The following FHIT variants were observed in gnomAD, a reference collection of about 807,000 sequenced individuals.
FHIT encodes the protein bis(5'-adenosyl)-triphosphatase.
FHIT carries 19 observed loss-of-function variants against 17.9 expected under a neutral mutation model. The ratio of observed to expected loss-of-function variants is 1.06; its 90% CI spans 0.74 to 1.56. The LOEUF (loss-of-function observed/expected upper bound fraction) is 1.56. Ranked by LOEUF, FHIT falls within the 40% of genes most tolerant of loss-of-function variation. The pLI, the probability that FHIT is intolerant of heterozygous loss-of-function variation, is 0.00. For synonymous variants in FHIT, 81 were observed against 69.7 expected (o/e 1.16, Z -0.81); for missense variants, 248 against 189.2 (o/e 1.31, Z -1.82).
At chr3:60,084,035 G>GA (rs5849326) in intron 5 of FHIT, among the ~76,000 whole-genome samples, 54,372 of 151,924 alleles carry the variant, frequency 0.36, 10,132 homozygotes, top group African/African-American at 0.44. Context: ...ATTAAGTGGG[G>GA]AAAAAATCAC....
At chr3:59,988,171 T>C (rs1028599175) in intron 7 of FHIT, among the ~76,000 whole-genome samples, 1 of 152,048 alleles carries the variant, frequency 6.6e-6, no homozygotes, top group Non-Finnish European at 1.5e-5. Flanking sequence ...GCCTCCAAAA[T>C]TGAGCAAGAG....
At chr3:60,345,559 G>A (rs968803673) in intron 5 of FHIT, among the ~76,000 whole-genome samples, 4 of 152,170 alleles carry the variant, frequency 2.6e-5, no homozygotes, top group Admixed American at 2.0e-4. Flanking sequence ...AGACTAGAAC[G>A]AGAACCTAGA....
At chr3:59,835,172 G>T (rs1198779375) in intron 8 of FHIT, among the ~76,000 whole-genome samples, 1 of 152,118 alleles carries the variant, frequency 6.6e-6, no homozygotes, top group Non-Finnish European at 1.5e-5. Context: ...ATATCAGCCT[G>T]GGCCAAAATA....
At chr3:59,786,705 G>T (rs145682255) in intron 8 of FHIT, among the ~76,000 whole-genome samples, 1 of 152,182 alleles carries the variant, frequency 6.6e-6, no homozygotes, top group African/African-American at 2.4e-5. Flanking sequence ...ACAGCCTCTT[G>T]TTGGAAACTA....
rs142138204 is a variant in FHIT, at chr3:60,826,294, T to TTTTTGTTTTG, written c.-110-4293_-110-4284dup. On this transcript the variant is annotated intron_variant, in intron 3 of 9. Transcript: ENST00000492590. ...TAGATGGGGATAGATGAGGTTAGTT[T>TTTTTGTTTTG]TTTTGTTTTGTTTTGTTTTGTTTTG... Among the ~76,000 whole-genome samples the TTTTTGTTTTG allele has an allele frequency of 1.9e-3, 279 of 149,362 alleles. 2 individuals are homozygous for TTTTTGTTTTG. The highest frequency in any genetic ancestry group is 6.6e-3 in the African/African-American group (266 of 40,288).
At position 61,097,162 on chromosome 3, in the gene FHIT, C is replaced by T. The variant is rs562701815; in HGVS notation, c.-163-55063G>A. ...TCCAGTCTGTACCTCCCAGCGTGAGCGATGCAGAAGATGGATGATTTCTGC... is the reference window on the plus strand; with the variant it reads ...TCCAGTCTGTACCTCCCAGCGTGAGTGATGCAGAAGATGGATGATTTCTGC... On this transcript the variant is annotated intron_variant, in intron 2 of 9. Transcript: ENST00000492590. Among the ~76,000 whole-genome samples, 4 of 151,540 alleles carry T rather than the reference C, an allele frequency of 2.6e-5. No individual in the cohort carries two copies. The East Asian group carries it at 7.8e-4, about 29-fold the overall frequency.
intron 5 of FHIT, among the ~76,000 whole-genome samples, chr3:60,020,898 G>A (rs371259580): frequency 6.6e-6 from 1 of 152,130 alleles, no homozygotes; most frequent in African/African-American, 2.4e-5. Context: ...TTTCATATCA[G>A]AAAGGCAGAA....
intron 5 of FHIT, among the ~76,000 whole-genome samples, chr3:60,168,182 A>T (rs1048775807): frequency 6.6e-6 from 1 of 152,174 alleles, no homozygotes; most frequent in Non-Finnish European, 1.5e-5. Flanking sequence ...GGCAATAAAC[A>T]CTTGAAAGAA....
intron 3 of FHIT, among the ~76,000 whole-genome samples, chr3:60,862,215 A>G (rs1274119386): frequency 3.9e-5 from 6 of 152,156 alleles, no homozygotes; most frequent in African/African-American, 1.4e-4. Context: ...GTCTTGTTCT[A>G]TTGCCCAGGC....
At chr3:60,626,783 C>CTTT (rs71627548) in intron 4 of FHIT, among the ~76,000 whole-genome samples, 2,109 of 85,798 alleles carry the variant, frequency 0.025, 54 homozygotes, top group East Asian at 0.082. Flanking sequence ...GGGGAAAACA[C>CTTT]TCTTTTTTTT....
chr3:59,918,899 A>G (rs1019719660), intron 8 of FHIT, among the ~76,000 whole-genome samples: 4 of 152,220 alleles, frequency 2.6e-5, no homozygotes, highest in African/African-American at 9.6e-5. Flanking sequence ...AGCAAAGCCC[A>G]AGGACCATCA....
Position 60,353,935 on chromosome 3 carries a change from C to T in FHIT, c.103+182925G>A, listed in dbSNP as rs201071830. Among the ~76,000 whole-genome samples the T allele has an allele frequency of 3.9e-5, 6 of 152,162 alleles. No homozygotes were observed. The South Asian group carries it at 1.0e-3, about 26-fold the overall frequency. On this transcript the variant is annotated intron_variant, in intron 5 of 9. Transcript: ENST00000492590. ...TGGTAATATGACCCCAAAACCTTAA[C>T]AAATTTTATATATTTATCCTATCTA... is the stretch of plus-strand genomic sequence containing the variant.
intron 5 of FHIT, among the ~76,000 whole-genome samples, chr3:60,373,941 T>C (rs1700439897): frequency 6.6e-6 from 1 of 152,146 alleles, no homozygotes; most frequent in East Asian, 1.9e-4. Context: ...GAAAAGTCAA[T>C]TAAAACAAGC....
chr3:60,346,884 T>G (rs981531112), intron 5 of FHIT, among the ~76,000 whole-genome samples: 2 of 152,216 alleles, frequency 1.3e-5, no homozygotes, highest in African/African-American at 4.8e-5. Flanking sequence ...CTTAGAAATT[T>G]TATGTTTTAA....
intron 5 of FHIT, among the ~76,000 whole-genome samples, chr3:60,105,586 C>G (rs992558294): frequency 3.3e-5 from 5 of 152,176 alleles, no homozygotes; most frequent in Non-Finnish European, 7.3e-5. Context: ...CTGTGTGTCA[C>G]TACTCAGCTA....
At chr3:60,168,198 T>G (rs1237294881) in intron 5 of FHIT, among the ~76,000 whole-genome samples, 2 of 152,190 alleles carry the variant, frequency 1.3e-5, no homozygotes, top group Non-Finnish European at 2.9e-5. Flanking sequence ...AAGAATTGCC[T>G]GTTGGATGAA....
intron 5 of FHIT, among the ~76,000 whole-genome samples, chr3:60,458,425 C>T (rs1230857906): frequency 7.1e-6 from 1 of 141,722 alleles, no homozygotes; most frequent in East Asian, 2.1e-4. Context: ...ACACCACACA[C>T]AGGGGCTTGT....
intron 4 of FHIT, among the ~76,000 whole-genome samples, chr3:60,709,683 T>C (rs2041467258): frequency 6.6e-6 from 1 of 152,216 alleles, no homozygotes; most frequent in East Asian, 1.9e-4. Flanking sequence ...GAATTATATT[T>C]GCAATATCAT....
chr3:60,285,070 TTCTCCC>T (rs2107655166), intron 5 of FHIT, among the ~76,000 whole-genome samples: 1 of 152,274 alleles, frequency 6.6e-6, no homozygotes, highest in Admixed American at 6.5e-5. Context: ...TATTCAAATA[TTCTCCC>T]TCTCCAACTC....
Sources: allele counts gnomAD v4.1 joint callset (sites outside exome capture counted in the v4.1 genomes callset), GRCh38; gene constraint gnomAD v4.1.1; transcripts MANE v1.5; gene names NCBI Gene and HGNC (gene_info 2026-07-23, HGNC 2026-07-21).